Variants in SOX6 observed in about 807,000 individuals in gnomAD.
SOX6 encodes SRY-box transcription factor 6.
SOX6 carries 11 observed loss-of-function variants against 97.8 expected under a neutral mutation model. That is an observed-to-expected ratio of 0.11 (90% confidence interval 0.07 to 0.19). SOX6 has a LOEUF of 0.19. Ranked by LOEUF, SOX6 falls within the 10% of genes least tolerant of loss-of-function variation. SOX6 has a pLI of 1.00. For synonymous variants in SOX6, 360 were observed against 371.4 expected, an observed-to-expected ratio of 0.97 and a Z score of 0.35; for missense variants, 810 against 1,039.5, an observed-to-expected ratio of 0.78 and a Z score of 3.04.
chr11:16,204,154 C>T (rs188533759), intron 4 of SOX6, among the ~76,000 whole-genome samples: 1 of 152,096 alleles, frequency 6.6e-6, no homozygotes, highest in African/African-American at 2.4e-5. Flanking sequence ...GCTGTTATCA[C>T]CACCACCAAT....
At chr11:16,299,429 T>A (rs752480512) in intron 3 of SOX6, among the ~76,000 whole-genome samples, 12 of 152,166 alleles carry the variant, frequency 7.9e-5, no homozygotes, top group Non-Finnish European at 1.3e-4. Context: ...CAGATTTTTT[T>A]TATAAAAAAC....
chr11:16,219,479 T>TC (rs1348693023), intron 4 of SOX6, among the ~76,000 whole-genome samples: 2 of 152,050 alleles, frequency 1.3e-5, no homozygotes, highest in African/African-American at 4.8e-5. Flanking sequence ...GTTTTCTTTT[T>TC]CAGTATTTTA....
At chr11:16,407,637 A>G (rs1319798376) in intron 1 of SOX6, among the ~76,000 whole-genome samples, 1 of 152,102 alleles carries the variant, frequency 6.6e-6, no homozygotes, top group Non-Finnish European at 1.5e-5. Context: ...ATACTATCCT[A>G]TAGCACCACT....
chr11:16,352,547 A>G lies in SOX6; in HGVS notation c.-5+3547T>C, dbSNP rs148059476. 6.5e-3 allele frequency among the ~76,000 whole-genome samples: 995 copies of G among 152,282 alleles called. 2 individuals are homozygous for G. The highest frequency in any genetic ancestry group is 0.01 in the Non-Finnish European group (710 of 67,988). On this transcript the variant is annotated intron_variant, in intron 1 of 15. Transcript: ENST00000683767. ...GCTTAAGGTCATACCTAGTAAATAC[A>G]GAGGGCAAAATTTCAACTCAGGTTG...
intron 3 of SOX6, among the ~76,000 whole-genome samples, chr11:16,635,610 A>G (rs574046238): frequency 6.6e-6 from 1 of 152,244 alleles, no homozygotes; most frequent in African/African-American, 2.4e-5. Flanking sequence ...AGAAATCTGC[A>G]TAAGTAAGAA....
At chr11:16,111,048 A>G (rs1385761531) in intron 7 of SOX6, among the ~76,000 whole-genome samples, 1 of 152,198 alleles carries the variant, frequency 6.6e-6, no homozygotes, top group Non-Finnish European at 1.5e-5. Context: ...AAATGAAATT[A>G]AGGTTGACTT....
chr11:16,301,040 A>G (rs1275089830), intron 3 of SOX6, among the ~76,000 whole-genome samples: 1 of 152,168 alleles, frequency 6.6e-6, no homozygotes, highest in Non-Finnish European at 1.5e-5. Flanking sequence ...ATGGCCCCCA[A>G]CACTATCACT....
chr11:16,382,694 G>T (rs1480181524), intron 1 of SOX6, among the ~76,000 whole-genome samples: 1 of 151,846 alleles, frequency 6.6e-6, no homozygotes, highest in Non-Finnish European at 1.5e-5. Flanking sequence ...CTCACTTGAA[G>T]CTTGTGTCTA....
At chr11:16,398,448 G>T (rs1201295276) in intron 1 of SOX6, among the ~76,000 whole-genome samples, 1 of 151,430 alleles carries the variant, frequency 6.6e-6, no homozygotes, top group Admixed American at 6.6e-5. Flanking sequence ...CGGGTGTGGG[G>T]CAGAGTAGTA....
intron 4 of SOX6, among the ~76,000 whole-genome samples, chr11:16,565,313 T>C (rs1243826536): frequency 2.6e-5 from 4 of 152,142 alleles, no homozygotes; most frequent in Admixed American, 2.6e-4. Context: ...TGAATTCTTA[T>C]GTTTAAGTAC....
chr11:16,172,663 CAG>C, intron 6 of SOX6, among the ~76,000 whole-genome samples: 1 of 152,134 alleles, frequency 6.6e-6, no homozygotes, highest in East Asian at 1.9e-4. Context: ...TTTAAAGTAA[CAG>C]AGTCAATTCC....
At chr11:16,248,365 G>A (rs2882811) in intron 3 of SOX6, among the ~76,000 whole-genome samples, 6,159 of 152,196 alleles carry the variant, frequency 0.04, 170 homozygotes, top group Middle Eastern at 0.071. Context: ...CTCTGTGTAG[G>A]GGTTCCAATC....
chr11:16,644,778 G>T (rs1045337181), intron 3 of SOX6, among the ~76,000 whole-genome samples: 1 of 152,050 alleles, frequency 6.6e-6, no homozygotes, highest in African/African-American at 2.4e-5. Context: ...GATCAAACTT[G>T]TTAATTGTAT....
intron 4 of SOX6, among the ~76,000 whole-genome samples, chr11:16,192,496 T>C (rs1851658746): frequency 6.6e-6 from 1 of 152,072 alleles, no homozygotes. Flanking sequence ...ATGATGACAA[T>C]TTCCCCCATC....
chr11:16,619,084 C>T (rs567046103), intron 3 of SOX6, among the ~76,000 whole-genome samples: 18 of 151,968 alleles, frequency 1.2e-4, no homozygotes, highest in Non-Finnish European at 2.2e-4. Context: ...ACCACATTAA[C>T]TACTACATCA....
At chr11:16,220,767 T>C (rs1391299009) in intron 4 of SOX6, among the ~76,000 whole-genome samples, 1 of 152,082 alleles carries the variant, frequency 6.6e-6, no homozygotes, top group Admixed American at 6.6e-5. Flanking sequence ...GTTGTTGTTG[T>C]TGTTTTTTAA....
chr11:15,988,427 C>T (rs1436825247), intron 14 of SOX6, among the ~76,000 whole-genome samples: 7 of 152,206 alleles, frequency 4.6e-5, no homozygotes, highest in Admixed American at 2.0e-4. Context: ...TTGAACTAGT[C>T]ATATCTTATT....
At chr11:16,073,333 C>A (rs1232728641) in intron 9 of SOX6, among the ~76,000 whole-genome samples, 1 of 151,908 alleles carries the variant, frequency 6.6e-6, no homozygotes, top group East Asian at 1.9e-4. Flanking sequence ...AAATAAACAA[C>A]AATTTAAAAA....
intron 4 of SOX6, among the ~76,000 whole-genome samples, chr11:16,499,404 G>A (rs1860663311): frequency 6.6e-6 from 1 of 152,046 alleles, no homozygotes; most frequent in South Asian, 2.1e-4. Context: ...AAGAACTAGG[G>A]AAGCAAGAGA....
Sources: allele counts gnomAD v4.1 joint callset (sites outside exome capture counted in the v4.1 genomes callset), GRCh38; gene constraint gnomAD v4.1.1; transcripts MANE v1.5; gene names NCBI Gene and HGNC (gene_info 2026-07-23, HGNC 2026-07-21).